RGS20: variants seen among roughly 807,000 people sequenced by gnomAD.
RGS20 encodes the protein gz-selective GTPase-activating protein.
In RGS20, 30 loss-of-function variants were observed where a neutral mutation model predicts 33.6. The ratio of observed to expected loss-of-function variants is 0.89; its 90% CI spans 0.67 to 1.21. The LOEUF is 1.21. Among genes scored for constraint, RGS20 ranks in the 50% most tolerant of loss-of-function variants. RGS20 has a pLI of 0.00. For missense variants in RGS20, 472 were observed against 502.4 expected (o/e 0.94, Z 0.58); for synonymous variants, 208 against 197.9 (o/e 1.05, Z -0.43).
intron 2 of RGS20, among the ~76,000 whole-genome samples, chr8:53,927,377 T>C (rs1210772172): frequency 6.6e-6 from 1 of 151,922 alleles, no homozygotes; most frequent in Non-Finnish European, 1.5e-5. Context: ...CTAATTTTCA[T>C]ATTTTTGTGT....
intron 1 of RGS20, among the ~76,000 whole-genome samples, chr8:53,856,978 G>A (rs1408499017): frequency 1.3e-5 from 2 of 152,130 alleles, no homozygotes; most frequent in African/African-American, 4.8e-5. Context: ...AAAGAAGAAA[G>A]GAAAAACAGC....
chr8:53,949,300 A>G (rs1393357063), intron 4 of RGS20, among the ~76,000 whole-genome samples: 1 of 148,060 alleles, frequency 6.8e-6, no homozygotes, highest in Non-Finnish European at 1.5e-5. Context: ...TATATACTAT[A>G]TATAAGATAC....
At chr8:53,855,366 A>G (rs1239394406) in intron 1 of RGS20, among the ~76,000 whole-genome samples, 4 of 152,188 alleles carry the variant, frequency 2.6e-5, no homozygotes, top group Non-Finnish European at 5.9e-5. Context: ...TGCCCAGCCT[A>G]TATAAGCCAC....
intron 2 of RGS20, among the ~76,000 whole-genome samples, chr8:53,891,936 A>G (rs1262734919): frequency 6.6e-6 from 1 of 151,978 alleles, no homozygotes; most frequent in African/African-American, 2.4e-5. Flanking sequence ...CATGTGCACA[A>G]TGTGCAGGTT....
intron 4 of RGS20, among the ~76,000 whole-genome samples, chr8:53,953,592 T>C (rs1387067973): frequency 6.6e-6 from 1 of 152,184 alleles, no homozygotes. Context: ...CTTGCACTTA[T>C]ACTACATATA....
intron 2 of RGS20, chr8:53,879,916 C>G (rs1812310577): frequency 3.0e-6 from 1 of 329,512 alleles, no homozygotes; most frequent in Admixed American, 4.8e-5. Context: ...GCGTGTCGCT[C>G]TCCTCCGCCT....
intron 2 of RGS20, among the ~76,000 whole-genome samples, chr8:53,917,445 G>A (rs937204951): frequency 5.9e-5 from 9 of 152,040 alleles, no homozygotes; most frequent in Non-Finnish European, 1.3e-4. Context: ...CACCATGCCC[G>A]GCCTCCTACT....
Position 53,851,954 on chromosome 8 carries a change from C to T in RGS20, c.55C>T (p.Pro19Ser), listed in dbSNP as rs779900331. 27 of 1,614,030 alleles carry T rather than the reference C, an allele frequency of 1.7e-5. No homozygotes were observed. Among genetic ancestry groups the T allele is most frequent in the African/African-American group, 4.0e-5 (3 of 74,910 alleles). Residue 19 changes from proline to serine, a missense_variant, in exon 1 of 6, where the codon CCG becomes TCG. Physicochemically the swap from Pro to Ser is moderately conservative, Grantham distance 74 (BLOSUM62 -1). Coordinates refer to ENST00000297313, the MANE Select transcript of RGS20 (RefSeq NM_170587.4). ...GTGCCTCCAGAAACATTTCTCCAGG[C>T]CGTCTATATGGACACAGTTTCTGCC...
intron 3 of RGS20, among the ~76,000 whole-genome samples, chr8:53,943,603 CA>C (rs1325711139): frequency 6.6e-6 from 1 of 150,802 alleles, no homozygotes; most frequent in Non-Finnish European, 1.5e-5. Flanking sequence ...GAAAACTTCA[CA>C]AAAAAAAATT....
At chr8:53,932,009 T>A (rs2129288874) in intron 2 of RGS20, among the ~76,000 whole-genome samples, 1 of 152,356 alleles carries the variant, frequency 6.6e-6, no homozygotes, top group Admixed American at 6.5e-5. Context: ...TCTTCTTTGC[T>A]TATGAAGCAT....
At chr8:53,883,157 CT>C (rs572625682) in intron 2 of RGS20, among the ~76,000 whole-genome samples, 136 of 143,084 alleles carry the variant, frequency 9.5e-4, no homozygotes, top group East Asian at 1.8e-3. Flanking sequence ...ATCTTTCTTT[CT>C]TTTTTTTTTT....
At chr8:53,865,604 T>TTTTG (rs966824635) in intron 1 of RGS20, among the ~76,000 whole-genome samples, 17 of 152,090 alleles carry the variant, frequency 1.1e-4, no homozygotes, top group African/African-American at 2.7e-4. Flanking sequence ...TGTGGGGGTT[T>TTTTG]TTTGTTTGTT....
intron 2 of RGS20, among the ~76,000 whole-genome samples, chr8:53,882,165 T>C (rs533661778): frequency 6.6e-6 from 1 of 151,846 alleles, no homozygotes; most frequent in East Asian, 1.9e-4. Context: ...TGGGGAAAGG[T>C]TTGCGTGCGC....
chr8:53,889,108 T>C (rs1812629556), intron 2 of RGS20, among the ~76,000 whole-genome samples: 1 of 152,212 alleles, frequency 6.6e-6, no homozygotes, highest in Admixed American at 6.5e-5. Context: ...TGTTTAGCTT[T>C]AGTAGATACT....
chr8:53,888,673 T>C (rs1304510138), intron 2 of RGS20, among the ~76,000 whole-genome samples: 1 of 152,136 alleles, frequency 6.6e-6, no homozygotes, highest in East Asian at 1.9e-4. Flanking sequence ...GATGAAGATA[T>C]AGGATATTTT....
intron 2 of RGS20, among the ~76,000 whole-genome samples, chr8:53,891,815 A>G (rs1812716826): frequency 6.6e-6 from 1 of 150,902 alleles, no homozygotes; most frequent in African/African-American, 2.4e-5. Flanking sequence ...GAAAAGAAGT[A>G]TGTTATAATT....
At chr8:53,863,167 A>C (rs758047982) in intron 1 of RGS20, among the ~76,000 whole-genome samples, 4 of 152,014 alleles carry the variant, frequency 2.6e-5, no homozygotes, top group African/African-American at 4.8e-5. Flanking sequence ...TTGTATTTTT[A>C]GTAGAGACGG....
chr8:53,944,345 A>C (rs112624355), intron 3 of RGS20, among the ~76,000 whole-genome samples: 1 of 152,126 alleles, frequency 6.6e-6, no homozygotes, highest in Non-Finnish European at 1.5e-5. Flanking sequence ...CAAGACCAGC[A>C]GGACCAACAT....
chr8:53,922,933 T>G (rs1461099558), intron 2 of RGS20, among the ~76,000 whole-genome samples: 1 of 152,194 alleles, frequency 6.6e-6, no homozygotes, highest in African/African-American at 2.4e-5. Context: ...AGTGCTGGGA[T>G]TACAGGCATG....
Sources: gnomAD v4.1 joint callset for allele counts (sites outside exome capture counted in the v4.1 genomes callset) on GRCh38, gnomAD v4.1.1 for gene constraint, MANE v1.5 for transcripts, NCBI Gene and HGNC (gene_info 2026-07-23, HGNC 2026-07-21) for gene names.